HIVEP2: variants seen among roughly 807,000 people sequenced by gnomAD.
HIVEP2 encodes HIVEP zinc finger 2, also known as transcription factor HIVEP2.
In HIVEP2, 14 loss-of-function variants were observed where a neutral mutation model predicts 180.7. The observed-to-expected ratio is 0.08, with a 90% CI of 0.05 to 0.12. The LOEUF is 0.12. HIVEP2 is among the 10% of genes least tolerant of loss of function. HIVEP2 has a pLI of 1.00. For synonymous variants in HIVEP2, 1,184 were observed against 1,136.4 expected (o/e 1.04, Z -0.84); for missense variants, 2,579 against 3,008.5 (o/e 0.86, Z 3.34).
chr6:142,828,391 T>C (rs1263815558), intron 2 of HIVEP2, among the ~76,000 whole-genome samples: 3 of 152,172 alleles, frequency 2.0e-5, no homozygotes, highest in Non-Finnish European at 4.4e-5. Flanking sequence ...TAATCTTTGC[T>C]CAACTCTCAT....
In HIVEP2 at chr6:142,768,478, T is replaced by G. The variant is rs770726196; in HGVS notation, c.5246A>C (p.Asn1749Thr). The change falls in exon 6 of 10, where the codon AAT (asparagine) becomes ACT (threonine). Residue 1749 changes from asparagine (N) to threonine (T), a missense_variant. Coordinates refer to ENST00000367603, the MANE Select transcript of HIVEP2 (RefSeq NM_006734.4). The part of the protein sequence containing the change: ...GSKLERKLVG[N>T]ILKERGKGDI... ...TCCTTTCCCTCTTTCCTTTAAGATA[T>G]TTCCCACTAGTTTCCTTTCTAGTTT... 8 of 1,613,666 alleles carry G rather than the reference T, an allele frequency of 5.0e-6. No individual in the cohort carries two copies. The South Asian group carries it at 8.8e-5, about 18-fold the overall frequency.
At chr6:142,944,288 C>G (rs963666410) in intron 1 of HIVEP2, among the ~76,000 whole-genome samples, 7 of 151,228 alleles carry the variant, frequency 4.6e-5, no homozygotes, top group African/African-American at 1.5e-4. Flanking sequence ...AGGGACAGAA[C>G]GCGGGAGGCA....
chr6:142,940,446 C>T (rs1255585846), intron 1 of HIVEP2, among the ~76,000 whole-genome samples: 1 of 152,190 alleles, frequency 6.6e-6, no homozygotes, highest in Non-Finnish European at 1.5e-5. Flanking sequence ...ATTTCAAGGT[C>T]CTACCCCTCA....
intron 1 of HIVEP2, among the ~76,000 whole-genome samples, chr6:142,944,419 C>G (rs1016609856): frequency 1.3e-5 from 2 of 148,556 alleles, no homozygotes; most frequent in African/African-American, 2.6e-5. Flanking sequence ...ACCCCCTCCC[C>G]CACACACCCA....
chr6:142,898,822 G>A (rs1777061569), intron 1 of HIVEP2, among the ~76,000 whole-genome samples: 1 of 152,020 alleles, frequency 6.6e-6, no homozygotes, highest in African/African-American at 2.4e-5. Flanking sequence ...CCTTCACACT[G>A]ACTCAGCCAC....
chr6:142,764,474 A>G (rs917805633), intron 7 of HIVEP2, among the ~76,000 whole-genome samples: 1 of 152,206 alleles, frequency 6.6e-6, no homozygotes, highest in African/African-American at 2.4e-5. Flanking sequence ...CATGTGCAGG[A>G]TTTCAATACT....
intron 2 of HIVEP2, among the ~76,000 whole-genome samples, chr6:142,797,366 G>A (rs938534302): frequency 2.0e-5 from 3 of 152,106 alleles, no homozygotes; most frequent in African/African-American, 7.2e-5. Context: ...GGAACAAATA[G>A]TTGTAACTCA....
chr6:142,883,215 TG>T (rs1776616734), intron 1 of HIVEP2, among the ~76,000 whole-genome samples: 1 of 152,060 alleles, frequency 6.6e-6, no homozygotes, highest in Non-Finnish European at 1.5e-5. Context: ...GGAAAAGCTT[TG>T]GGAGAAAAGA....
intron 3 of HIVEP2, among the ~76,000 whole-genome samples, chr6:142,776,499 C>T (rs1334796998): frequency 6.6e-6 from 1 of 151,752 alleles, no homozygotes; most frequent in Non-Finnish European, 1.5e-5. Flanking sequence ...AGTTCTAATT[C>T]CCTAGATATT....
intron 1 of HIVEP2, among the ~76,000 whole-genome samples, chr6:142,855,665 TAAGA>T (rs899842574): frequency 3.3e-5 from 5 of 152,188 alleles, no homozygotes; most frequent in African/African-American, 1.2e-4. Flanking sequence ...GGATCTACAA[TAAGA>T]AAGGAATCTG....
At chr6:142,859,010 A>T (rs1383419334) in intron 1 of HIVEP2, among the ~76,000 whole-genome samples, 1 of 152,202 alleles carries the variant, frequency 6.6e-6, no homozygotes, top group Non-Finnish European at 1.5e-5. Flanking sequence ...GACTGGGCTC[A>T]GCACACCTGG....
chr6:142,879,175 T>C (rs1245904264), intron 1 of HIVEP2, among the ~76,000 whole-genome samples: 1 of 152,158 alleles, frequency 6.6e-6, no homozygotes, highest in East Asian at 1.9e-4. Context: ...CAATGGGTAC[T>C]CAGTGAAGCT....
chr6:142,821,250 A>C (rs192917359), intron 2 of HIVEP2, among the ~76,000 whole-genome samples: 21 of 152,182 alleles, frequency 1.4e-4, no homozygotes, highest in Admixed American at 7.8e-4. Context: ...GACTGGGAAG[A>C]GTTCCTCCTA....
At chr6:142,815,912 A>G (rs957787525) in intron 2 of HIVEP2, among the ~76,000 whole-genome samples, 1 of 152,216 alleles carries the variant, frequency 6.6e-6, no homozygotes, top group Non-Finnish European at 1.5e-5. Context: ...TAGAAACTCA[A>G]TATCCTTTAA....
intron 2 of HIVEP2, among the ~76,000 whole-genome samples, chr6:142,824,021 T>G (rs1282417381): frequency 6.6e-6 from 1 of 152,228 alleles, no homozygotes; most frequent in Non-Finnish European, 1.5e-5. Context: ...AAAACATTTT[T>G]ATACTTATTC....
intron 1 of HIVEP2, among the ~76,000 whole-genome samples, chr6:142,873,572 G>C (rs980880764): frequency 1.3e-5 from 2 of 152,066 alleles, no homozygotes; most frequent in African/African-American, 4.8e-5. Flanking sequence ...TCCATGAATG[G>C]AATATATGAT....
intron 1 of HIVEP2, among the ~76,000 whole-genome samples, chr6:142,862,301 T>C (rs1775999082): frequency 6.6e-6 from 1 of 151,694 alleles, no homozygotes; most frequent in Admixed American, 6.6e-5. Context: ...AGTTTCATAT[T>C]GCATTTGCTA....
At chr6:142,871,422 C>T (rs1776286889) in intron 1 of HIVEP2, among the ~76,000 whole-genome samples, 1 of 152,082 alleles carries the variant, frequency 6.6e-6, no homozygotes, top group Admixed American at 6.6e-5. Flanking sequence ...TTTGGAACTT[C>T]TGAAGGACTA....
chr6:142,826,770 TACTC>T (rs939839878), intron 2 of HIVEP2, among the ~76,000 whole-genome samples: 26 of 152,178 alleles, frequency 1.7e-4, no homozygotes, highest in African/African-American at 6.0e-4. Context: ...TAGTATATAA[TACTC>T]ACCTCATAAA....
Sources: allele counts gnomAD v4.1 joint callset (sites outside exome capture counted in the v4.1 genomes callset), GRCh38; gene constraint gnomAD v4.1.1; transcripts MANE v1.5; gene names NCBI Gene and HGNC (gene_info 2026-07-23, HGNC 2026-07-21).